LIMK2: variants seen among roughly 807,000 people sequenced by gnomAD.
LIMK2 encodes the protein LIM domain kinase 2.
A neutral mutation model predicts 75.7 loss-of-function variants in LIMK2; 35 were observed. The observed-to-expected ratio is 0.46, with a 90% CI of 0.35 to 0.61. LIMK2 has a LOEUF of 0.61. LIMK2 is among the 20% of genes least tolerant of loss of function. LIMK2 has a pLI of 0.00. For missense variants in LIMK2, 623 were observed against 831.0 expected (o/e 0.75, Z 3.08); for synonymous variants, 301 against 319.2 (o/e 0.94, Z 0.61).
intron 9 of LIMK2, among the ~76,000 whole-genome samples, chr22:31,267,350 A>G (rs2048905988): frequency 1.3e-5 from 2 of 152,190 alleles, no homozygotes; most frequent in South Asian, 4.1e-4. Flanking sequence ...GGACATGAAA[A>G]CACTCCAATT....
intron 2 of LIMK2, among the ~76,000 whole-genome samples, chr22:31,253,344 T>C (rs937932035): frequency 2.0e-5 from 3 of 152,238 alleles, no homozygotes; most frequent in African/African-American, 7.2e-5. Flanking sequence ...GAACGTATGA[T>C]GTCCATGGCC....
chr22:31,248,000 A>C (rs1207183999), intron 2 of LIMK2, among the ~76,000 whole-genome samples: 1 of 151,386 alleles, frequency 6.6e-6, no homozygotes, highest in Non-Finnish European at 1.5e-5. Context: ...CTCTCCTACC[A>C]GAGGTCCCCC....
chr22:31,268,299 TG>T, intron 11 of LIMK2, 99 bp downstream of exon 11: 1 of 960,918 alleles, frequency 1.0e-6, no homozygotes, highest in Non-Finnish European at 1.7e-6. Context: ...CTATGCAACT[TG>T]TGTGGGCTGG....
At position 31,271,142 on chromosome 22, in the gene LIMK2, T is replaced by C. The variant is rs755603688; in HGVS notation, c.1324T>C (p.Leu442=). The C allele has an allele frequency of 6.2e-7, 1 of 1,613,934 alleles. No individual in the cohort carries two copies. Among genetic ancestry groups the C allele is most frequent in the African/African-American group, 1.3e-5 (1 of 75,022 alleles). Residue 442 remains leucine, a synonymous_variant, in exon 12 of 16, where the codon TTG becomes CTG. Transcript: ENST00000331728. Reference sequence around the variant, plus strand: ...GCTCATGCTTCTGTTCCAGGCCTATTTGCACTCTATGTGCATCATCCACCG... The same window carrying C: ...GCTCATGCTTCTGTTCCAGGCCTATCTGCACTCTATGTGCATCATCCACCG... ...AKGIASGMAY[L]HSMCIIHRDL...
Position 31,279,796 on chromosome 22 carries a change from ATAT to A in LIMK2, c.*1359_*1361del, listed in dbSNP as rs1400151234. 6.6e-6 allele frequency: 1 copy of A among 152,170 alleles called. No homozygotes were observed. The highest frequency in any genetic ancestry group is 6.5e-5 in the Admixed American group (1 of 15,284). 9.4% of individuals were successfully genotyped at this position (152,170 alleles called of 1,614,324 possible). ...TGATAAAGGAGAGTGGTTGCTGTTA[ATAT>A]TATCTTATCTATTGGGTGGTATGTG... On this transcript the variant is annotated 3_prime_UTR_variant, in exon 16 of 16. Transcript: ENST00000331728.
Position 31,260,121 on chromosome 22 carries a change from T to G in LIMK2, c.551+44T>G, listed in dbSNP as rs769225922. On this transcript the variant is annotated intron_variant, in intron 5 of 15. Transcript: ENST00000331728. ...CTTCAGCAGGGGTTCTTGAGCAGAG[T>G]CTGTAAATGGGCCTCAGAGGGCTTA... 4.1e-6 allele frequency: 6 copies of G among 1,479,764 alleles called. No homozygotes were observed. The Admixed American group carries it at 1.4e-4, about 35-fold the overall frequency. 91.7% of individuals were successfully genotyped at this position (1,479,764 alleles called of 1,614,324 possible).
chr22:31,258,194 ACTGTC>A, intron 2 of LIMK2, 92 bp from the exon 3 acceptor site: 1 of 1,283,976 alleles, frequency 7.8e-7, no homozygotes, highest in Non-Finnish European at 1.1e-6. Context: ...ATCAAAGAGG[ACTGTC>A]CATTTTGTTG....
chr22:31,273,283 C>T (rs1034167242), intron 13 of LIMK2, among the ~76,000 whole-genome samples, 169 bp from the exon 14 acceptor site: 2 of 152,194 alleles, frequency 1.3e-5, no homozygotes, highest in African/African-American at 2.4e-5. Flanking sequence ...TCACCTACAG[C>T]TGAGGAAGGA....
chr22:31,232,027 G>C (rs1487611181), intron 2 of LIMK2, among the ~76,000 whole-genome samples: 1 of 151,776 alleles, frequency 6.6e-6, no homozygotes, highest in Non-Finnish European at 1.5e-5. Flanking sequence ...ATACTATGTT[G>C]CCCAGGCTGG....
intron 2 of LIMK2, among the ~76,000 whole-genome samples, chr22:31,237,203 G>A (rs1478721152): frequency 6.7e-6 from 1 of 149,956 alleles, no homozygotes; most frequent in Non-Finnish European, 1.5e-5. Context: ...GGAGCTTGCA[G>A]TGAGCTGAGA....
rs1006170883 is a variant in LIMK2 at position 31,273,300 on chromosome 22, T to C, written c.1559-152T>C. 6 of 680,738 alleles carry C rather than the reference T, an allele frequency of 8.8e-6. No individual in the cohort carries two copies. In the African/African-American group the frequency reaches 8.9e-5, roughly 10 times the overall value. 42.2% of individuals were successfully genotyped at this position (680,738 alleles called of 1,614,324 possible). A position where few individuals can be genotyped will look rare whatever the true frequency, so the allele number is the denominator to read the frequency against. On this transcript the variant is annotated intron_variant, in intron 13 of 15. Coordinates refer to ENST00000331728, the MANE Select transcript of LIMK2 (RefSeq NM_005569.4). The stretch of plus-strand genomic sequence containing the variant: ...ACCTACAGCTGAGGAAGGACTATTT[T>C]CAGGTGGTGTCTGCGCAGGACAGCC...
At position 31,267,878 on chromosome 22, in the gene LIMK2, G is replaced by A. The variant is rs767968950; in HGVS notation, c.1231G>A (p.Gly411Ser). The A allele has an allele frequency of 8.7e-6, 14 of 1,608,702 alleles. No individual in the cohort carries two copies. In the African/African-American group the frequency reaches 1.1e-4, roughly 12 times the overall value. ...CCTCCTGACAGAGTACATTGAGGGGGGCACACTGAAGGACTTTCTGCGCAG... is the reference window on the plus strand; with the variant it reads ...CCTCCTGACAGAGTACATTGAGGGGAGCACACTGAAGGACTTTCTGCGCAG... ...LNLLTEYIEG[G>S]TLKDFLRSMD... is the part of the protein sequence containing the mutation. The change falls in exon 10 of 16, where the codon GGC (glycine) becomes AGC (serine). Residue 411 changes from glycine (G) to serine (S), a missense_variant. Physicochemically the swap from Gly to Ser is moderately conservative, Grantham distance 56. Transcript: ENST00000331728.
At chr22:31,273,353 T>C (rs552983765) in intron 13 of LIMK2, 99 bp from the exon 14 acceptor site, 2 of 1,087,010 alleles carry the variant, frequency 1.8e-6, no homozygotes, top group Non-Finnish European at 2.8e-6. Context: ...GAACCTGTTC[T>C]AGCCCTAGTT....
In LIMK2 at chr22:31,267,820, C is replaced by A; in HGVS notation, c.1173C>A (p.Phe391Leu). 6.2e-7 allele frequency: 1 copy of A among 1,612,554 alleles called. No individual in the cohort carries two copies. The highest frequency in any genetic ancestry group is 1.1e-5 in the South Asian group (1 of 90,806). Residue 391 changes from phenylalanine (F) to leucine (L), a missense_variant, in exon 10 of 16, where the codon TTC becomes TTA. Physicochemically the swap from Phe to Leu is conservative, Grantham distance 22 (BLOSUM62 0). Coordinates refer to ENST00000331728, the MANE Select transcript of LIMK2 (RefSeq NM_005569.4). ...RSLDHPNVLK[F>L]IGVLYKDKKL... ...TGGACCACCCCAATGTGCTCAAGTT[C>A]ATTGGTGTGCTGTACAAGGATAAGA...
intron 1 of LIMK2, among the ~76,000 whole-genome samples, chr22:31,217,186 G>C (rs540034290): frequency 6.6e-6 from 1 of 152,222 alleles, no homozygotes; most frequent in African/African-American, 2.4e-5. Flanking sequence ...TGGATCACAA[G>C]GTCAGGAGTT....
At chr22:31,224,882 G>A (rs1472756421) in intron 1 of LIMK2, among the ~76,000 whole-genome samples, 3 of 152,222 alleles carry the variant, frequency 2.0e-5, no homozygotes, top group Non-Finnish European at 4.4e-5. Context: ...CCGCCAACTG[G>A]TACGGGTCTG....
rs1247167309 is a variant in LIMK2 at position 31,280,010 on chromosome 22, T to A, written c.*1569T>A. The A allele has an allele frequency of 6.6e-6, 1 of 152,322 alleles. No individual in the cohort carries two copies. Among genetic ancestry groups the A allele is most frequent in the East Asian group, 1.9e-4 (1 of 5,200 alleles). 9.4% of individuals were successfully genotyped at this position (152,322 alleles called of 1,614,324 possible). On this transcript the variant is annotated 3_prime_UTR_variant, in exon 16 of 16. Transcript: ENST00000331728. ...TTGTTTCCTGGCTGTCCCCAGCAAGTGTAGGAGTGGTGGGCCTGAACTGGG... is the reference window on the plus strand; with the variant it reads ...TTGTTTCCTGGCTGTCCCCAGCAAGAGTAGGAGTGGTGGGCCTGAACTGGG...
At position 31,262,219 on chromosome 22, in the gene LIMK2, C is replaced by A; in HGVS notation, c.637C>A (p.Arg213Ser). 6.2e-7 allele frequency: 1 copy of A among 1,613,496 alleles called. No individual in the cohort carries two copies. The highest frequency in any genetic ancestry group is 8.5e-7 in the Non-Finnish European group (1 of 1,179,388). Residue 213 changes from arginine to serine, a missense_variant, in exon 6 of 16, where the codon CGC (arginine) becomes AGC (serine). Arg to Ser is a moderately radical substitution (Grantham distance 110). This residue lies in a region of LIMK2 where 514 missense variants were observed against 661.3 expected (regional missense o/e 0.78). Transcript: ENST00000331728. The surrounding 1 kb of genome is among the most constrained non-coding windows in gnomAD (Gnocchi z 5.0). ...CCTGGAGATCAATGGGACCCCCGTC[C>A]GCACACTTCGAGTGGAGGAGGTAGA... ...RILEINGTPV[R>S]TLRVEEVEDA...
intron 2 of LIMK2, among the ~76,000 whole-genome samples, chr22:31,242,277 A>T (rs1037860199): frequency 6.6e-6 from 1 of 152,204 alleles, no homozygotes; most frequent in Non-Finnish European, 1.5e-5. Context: ...CTTACTGTCC[A>T]CTTATTCCAT....
Sources: allele counts gnomAD v4.1 joint callset (sites outside exome capture counted in the v4.1 genomes callset), GRCh38; gene constraint gnomAD v4.1.1; regional missense constraint gnomAD v4.1.1; non-coding constraint Gnocchi (gnomAD v3.1); transcripts MANE v1.5; gene names NCBI Gene and HGNC (gene_info 2026-07-23, HGNC 2026-07-21).